Variants in HPSE observed in about 807,000 individuals in gnomAD.
HPSE encodes the protein heparanase.
In HPSE, 48 loss-of-function variants were observed where a neutral mutation model predicts 65.1. The observed-to-expected ratio is 0.74, with a 90% confidence interval of 0.58 to 0.94. The LOEUF (loss-of-function observed/expected upper bound fraction) is 0.94. Among genes scored for constraint, HPSE ranks in the 40% least tolerant of loss-of-function variants. The probability of loss-of-function intolerance (pLI) is 0.00; values close to 1 mark genes in which losing one functional copy is unlikely to be tolerated. For missense variants in HPSE, 644 were observed against 637.5 expected, an observed-to-expected ratio of 1.01 and a Z score of -0.11; for synonymous variants, 243 against 260.0, an observed-to-expected ratio of 0.93 and a Z score of 0.63.
chr4:83,309,579 C>T, intron 6 of HPSE, 84 bp from the exon 7 acceptor site: 1 of 760,488 alleles, frequency 1.3e-6, no homozygotes, highest in Non-Finnish European at 2.3e-6. Flanking sequence ...TATTCTCCTT[C>T]TTACCTCTCC....
chr4:83,333,807 T>C (rs886173659), intron 1 of HPSE, among the ~76,000 whole-genome samples: 4 of 150,390 alleles, frequency 2.7e-5, no homozygotes, highest in Non-Finnish European at 1.5e-5. Flanking sequence ...AATATTTAGA[T>C]TTTTATTCCT....
At chr4:83,323,998 T>C (rs575838286) in intron 1 of HPSE, among the ~76,000 whole-genome samples, 1 of 152,178 alleles carries the variant, frequency 6.6e-6, no homozygotes, top group Non-Finnish European at 1.5e-5. Flanking sequence ...TCTGAAAACA[T>C]ATTAAACCAA....
In HPSE at chr4:83,306,240, T is replaced by C. The variant is rs1736142960; in HGVS notation, c.1169A>G (p.Asn390Ser). The change falls in exon 9 of 12, where the codon AAC (asparagine) becomes AGC (serine). Residue 390 changes from asparagine to serine, a missense_variant. Physicochemically the swap from Asn to Ser is conservative, Grantham distance 46. Transcript: ENST00000311412. Reference protein sequence around the residue: ...VMRQVFFGAGNYHLVDENFDP... With the variant: ...VMRQVFFGAGSYHLVDENFDP... ...GAAGTTTTCATCCACTAAATGGTAG[T>C]TTCCTGCTCCAAAGAATACTTGCCT... 3.1e-6 allele frequency: 5 copies of C among 1,613,348 alleles called. No individual in the cohort carries two copies. The East Asian group carries it at 1.1e-4, about 36-fold the overall frequency.
At chr4:83,332,467 C>T (rs1737416702) in intron 1 of HPSE, among the ~76,000 whole-genome samples, 1 of 152,172 alleles carries the variant, frequency 6.6e-6, no homozygotes, top group Admixed American at 6.5e-5. Flanking sequence ...CAGCAGCCAG[C>T]CTTGGAGAGA....
At chr4:83,296,505 C>G (rs552985930) in intron 11 of HPSE, among the ~76,000 whole-genome samples, 1 of 152,104 alleles carries the variant, frequency 6.6e-6, no homozygotes, top group African/African-American at 2.4e-5. Flanking sequence ...AAAACTCCAT[C>G]TCTACCCAAA....
Position 83,319,446 on chromosome 4 carries a change from G to A in HPSE, c.397C>T (p.Pro133Ser), listed in dbSNP as rs527684134. 1.2e-5 allele frequency: 20 copies of A among 1,613,710 alleles called. No homozygotes were observed. The African/African-American group carries it at 2.3e-4, about 18-fold the overall frequency. Residue 133 changes from proline to serine, a missense_variant, in exon 3 of 12, where the codon CCT (proline) becomes TCT (serine). Coordinates refer to ENST00000311412, the MANE Select transcript of HPSE (RefSeq NM_001098540.3). ...NQDICKYGSI[P>S]PDVEEKLRLE... ...CGTAACTTCTCCTCCACATCAGGAGGGATGGATCCATATTTGCAAATATCT... is the reference window on the plus strand; with the variant it reads ...CGTAACTTCTCCTCCACATCAGGAGAGATGGATCCATATTTGCAAATATCT...
intron 8 of HPSE, among the ~76,000 whole-genome samples, chr4:83,308,048 C>T (rs1449498783): frequency 1.3e-5 from 2 of 151,850 alleles, no homozygotes; most frequent in African/African-American, 4.8e-5. Context: ...TAGCTACATA[C>T]ACTAAGTATC....
At chr4:83,314,702 G>A (rs1027982705) in intron 3 of HPSE, among the ~76,000 whole-genome samples, 8 of 152,068 alleles carry the variant, frequency 5.3e-5, no homozygotes, top group African/African-American at 1.2e-4. Context: ...ATCTATAGTC[G>A]TTTGTTAAAG....
chr4:83,304,578 A>G (rs539640308), intron 9 of HPSE, among the ~76,000 whole-genome samples: 14 of 152,206 alleles, frequency 9.2e-5, no homozygotes, highest in Admixed American at 7.9e-4. Flanking sequence ...CTGTAATCCC[A>G]ACACTGGGAG....
chr4:83,308,822 A>G lies in HPSE; in HGVS notation c.1091+23T>C, dbSNP rs753605052. ...GGAGAAGAGCTGCACTCTGACCCCT[A>G]AGGCCAGCGCTGCTTCACTCACATA... is the stretch of plus-strand genomic sequence containing the variant. On this transcript the variant is annotated intron_variant, in intron 8 of 11. Transcript: ENST00000311412. 1.1e-5 allele frequency: 17 copies of G among 1,568,260 alleles called. 1 individual carries two copies. In the South Asian group the frequency reaches 1.9e-4, roughly 17 times the overall value.
At chr4:83,303,054 G>A (rs1447149718) in intron 9 of HPSE, among the ~76,000 whole-genome samples, 1 of 152,028 alleles carries the variant, frequency 6.6e-6, no homozygotes, top group African/African-American at 2.4e-5. Context: ...TAATGGATTA[G>A]GCAATGGTCA....
Position 83,322,797 on chromosome 4 carries a change from G to T in HPSE, c.228-433C>A, listed in dbSNP as rs1048971496. The stretch of plus-strand genomic sequence containing the variant: ...TTCTGGCAAGAGCTTGTTTGTGTGT[G>T]TGTGTGTGTGTGTGTGTGTGTGTGT... On this transcript the variant is annotated intron_variant, in intron 1 of 11. Transcript: ENST00000311412. Among the ~76,000 whole-genome samples, 155 of 129,948 alleles carry T rather than the reference G, an allele frequency of 1.2e-3. 1 individual carries two copies. The highest frequency in any genetic ancestry group is 5.3e-3 in the African/African-American group (146 of 27,296). The allele number at this position is 129,948 out of a possible 152,430, so 85.3% of individuals were successfully genotyped here. A position where few individuals can be genotyped will look rare whatever the true frequency, so the allele number is the denominator to read the frequency against.
At position 83,319,459 on chromosome 4, in the gene HPSE, T is replaced by A. The variant is rs995801803; in HGVS notation, c.384A>T (p.Lys128Asn). ...CCACATCAGGAGGGATGGATCCATA[T>A]TTGCAAATATCTGCAAGTGGAAGAG... ...WQSQVNQDIC[K>N]YGSIPPDVEE... The change falls in exon 3 of 12, where the codon AAA becomes AAT. Residue 128 changes from lysine (K) to asparagine (N), a missense_variant. Physicochemically the swap from Lys to Asn is moderately conservative, Grantham distance 94. Transcript: ENST00000311412. 9 of 1,613,832 alleles carry A rather than the reference T, an allele frequency of 5.6e-6. No individual in the cohort carries two copies. The highest frequency in any genetic ancestry group is 7.6e-6 in the Non-Finnish European group (9 of 1,179,756).
rs1050926102 is a variant in HPSE at position 83,305,317 on chromosome 4, T to A, written c.1206+886A>T. 5.3e-5 allele frequency among the ~76,000 whole-genome samples: 8 copies of A among 152,334 alleles called. 1 individual carries two copies. The highest frequency in any genetic ancestry group is 1.9e-4 in the African/African-American group (8 of 41,584). ...ATGACAGAATATACTTGGGGAAAGA[T>A]AAATTCCATTTTTGCAAGATCACTT... On this transcript the variant is annotated intron_variant, in intron 9 of 11. Transcript: ENST00000311412.
At chr4:83,314,762 A>T (rs1433876341) in intron 3 of HPSE, among the ~76,000 whole-genome samples, 1 of 152,236 alleles carries the variant, frequency 6.6e-6, no homozygotes, top group East Asian at 1.9e-4. Flanking sequence ...ATCTCTATCT[A>T]TCTGGCAAAC....
chr4:83,306,480 AT>A (rs1736153185), intron 8 of HPSE, among the ~76,000 whole-genome samples, 163 bp from the exon 9 acceptor site: 1 of 152,128 alleles, frequency 6.6e-6, no homozygotes, highest in South Asian at 2.1e-4. Flanking sequence ...CAGTGGCGTG[AT>A]CATAGCTCTC....
At chr4:83,325,911 C>A (rs1445083597) in intron 1 of HPSE, among the ~76,000 whole-genome samples, 1 of 152,154 alleles carries the variant, frequency 6.6e-6, no homozygotes, top group Admixed American at 6.5e-5. Flanking sequence ...CATTGACGAG[C>A]AGAAGGGTGT....
intron 2 of HPSE, among the ~76,000 whole-genome samples, chr4:83,320,417 T>G (rs1456339856): frequency 1.3e-5 from 2 of 151,934 alleles, no homozygotes; most frequent in Non-Finnish European, 2.9e-5. Flanking sequence ...ATACGAAAAC[T>G]TAGCTGGGCG....
At chr4:83,310,604 C>T (rs1037935314) in intron 5 of HPSE, 118 bp downstream of exon 5, 13 of 887,506 alleles carry the variant, frequency 1.5e-5, no homozygotes, top group African/African-American at 6.7e-5. Flanking sequence ...CCTGGGAGGT[C>T]GAAGTTGCAG....
Sources: gnomAD v4.1 joint callset for allele counts (sites outside exome capture counted in the v4.1 genomes callset) on GRCh38, gnomAD v4.1.1 for gene constraint, MANE v1.5 for transcripts, NCBI Gene and HGNC (gene_info 2026-07-23, HGNC 2026-07-21) for gene names.